The following CAB39L variants were observed in gnomAD, a reference collection of about 807,000 sequenced individuals.
CAB39L encodes calcium-binding protein 39-like.
Under a neutral mutation model 39.1 loss-of-function variants are expected in CAB39L, and 23 were observed. The ratio of observed to expected loss-of-function variants is 0.59; its 90% confidence interval spans 0.42 to 0.83. The LOEUF (loss-of-function observed/expected upper bound fraction) is 0.83, where lower values mean the gene tolerates loss of function less well. Among genes scored for constraint, CAB39L ranks in the 40% least tolerant of loss-of-function variants. The pLI, the probability that CAB39L is intolerant of heterozygous loss-of-function variation, is 0.00. For synonymous variants in CAB39L, 126 were observed against 137.2 expected, an observed-to-expected ratio of 0.92 and a Z score of 0.57; for missense variants, 366 against 391.9, an observed-to-expected ratio of 0.93 and a Z score of 0.56.
chr13:49,436,487 C>T (rs115994523), intron 1 of CAB39L, among the ~76,000 whole-genome samples: 146 of 150,652 alleles, frequency 9.7e-4, no homozygotes, highest in African/African-American at 3.4e-3. Context: ...TTTCTCAATG[C>T]TCCTTATATT....
At chr13:49,314,632 G>A (rs1300127853) in intron 10 of CAB39L, among the ~76,000 whole-genome samples, 1 of 152,150 alleles carries the variant, frequency 6.6e-6, no homozygotes, top group East Asian at 1.9e-4. Context: ...AAGGAAACAG[G>A]CTGAGTCATA....
intron 3 of CAB39L, among the ~76,000 whole-genome samples, chr13:49,423,298 T>C (rs1010072838): frequency 2.0e-5 from 3 of 152,224 alleles, no homozygotes; most frequent in Non-Finnish European, 2.9e-5. Flanking sequence ...TGACCACATT[T>C]TGAGAACCAC....
chr13:49,364,694 T>C (rs1955726288), intron 5 of CAB39L, among the ~76,000 whole-genome samples: 1 of 151,968 alleles, frequency 6.6e-6, no homozygotes, highest in Admixed American at 6.6e-5. Context: ...CCATTTATAA[T>C]AGCAACAAAT....
intron 1 of CAB39L, among the ~76,000 whole-genome samples, chr13:49,434,568 C>G (rs573744997): frequency 6.6e-6 from 1 of 152,144 alleles, no homozygotes; most frequent in East Asian, 1.9e-4. Flanking sequence ...CAACAACTAT[C>G]AACATTTTAG....
intron 4 of CAB39L, among the ~76,000 whole-genome samples, chr13:49,378,699 G>A (rs1348183514): frequency 1.8e-5 from 1 of 54,766 alleles, no homozygotes; most frequent in Non-Finnish European, 3.6e-5. Context: ...CAGCCGCCCC[G>A]TCCGGGAGGG....
intron 3 of CAB39L, among the ~76,000 whole-genome samples, chr13:49,393,957 T>C (rs1956546451): frequency 6.6e-6 from 1 of 151,992 alleles, no homozygotes; most frequent in African/African-American, 2.4e-5. Flanking sequence ...ACAGCTCAGA[T>C]ATAGATGTTA....
At chr13:49,372,655 T>C (rs1955952219) in intron 5 of CAB39L, among the ~76,000 whole-genome samples, 1 of 152,084 alleles carries the variant, frequency 6.6e-6, no homozygotes, top group Admixed American at 6.6e-5. Context: ...ACTCAACTTG[T>C]TTTTTGTTGT....
At chr13:49,371,445 T>A (rs1955915657) in intron 5 of CAB39L, among the ~76,000 whole-genome samples, 1 of 152,164 alleles carries the variant, frequency 6.6e-6, no homozygotes. Context: ...AATGCTGGGA[T>A]TACAGACGTA....
At position 49,332,019 on chromosome 13, in the gene CAB39L, G is replaced by A; in HGVS notation, c.762C>T (p.Asn254=). The change falls in exon 10 of 11, where the codon AAC becomes AAT. Residue 254 remains asparagine (N), a synonymous_variant. Transcript: ENST00000409308. Reference sequence around the variant, plus strand: ...GAAGGAGGTTCATCATGAGTTTCAGGTTCTCCGGCTTGCTGATATACTTTG... The same window carrying A: ...GAAGGAGGTTCATCATGAGTTTCAGATTCTCCGGCTTGCTGATATACTTTG... ...IMTKYISKPE[N]LKLMMNLLRD... 6.2e-7 allele frequency: 1 copy of A among 1,614,118 alleles called. No homozygotes were observed. The highest frequency in any genetic ancestry group is 8.5e-7 in the Non-Finnish European group (1 of 1,179,996).
intron 10 of CAB39L, among the ~76,000 whole-genome samples, chr13:49,319,137 G>C (rs1055740359): frequency 6.6e-6 from 1 of 152,026 alleles, no homozygotes; most frequent in African/African-American, 2.4e-5. Context: ...CCAGCTACTC[G>C]GGAGGCTGAG....
At chr13:49,353,615 C>A (rs1246368471) in intron 6 of CAB39L, among the ~76,000 whole-genome samples, 1 of 152,012 alleles carries the variant, frequency 6.6e-6, no homozygotes, top group Non-Finnish European at 1.5e-5. Context: ...TGAAGCCTTT[C>A]CTAATCACTA....
At chr13:49,327,262 C>A (rs1156645415) in intron 10 of CAB39L, among the ~76,000 whole-genome samples, 2 of 152,020 alleles carry the variant, frequency 1.3e-5, no homozygotes, top group Non-Finnish European at 2.9e-5. Flanking sequence ...CTGAGATGAC[C>A]ATTATCCTGA....
chr13:49,364,974 C>A lies in CAB39L; in HGVS notation c.277-5142G>T, dbSNP rs187065242. ...AAAATTTACATGGAACCACAAAAAACCCAGAATAGCCAAAACCATCATGAG... is the reference window on the plus strand; with the variant it reads ...AAAATTTACATGGAACCACAAAAAAACCAGAATAGCCAAAACCATCATGAG... On this transcript the variant is annotated intron_variant, in intron 5 of 10. Coordinates refer to ENST00000409308, the MANE Select transcript of CAB39L (RefSeq NM_001079670.3). Among the ~76,000 whole-genome samples the A allele has an allele frequency of 5.7e-3, 873 of 152,116 alleles. 23 individuals carry two copies. The highest frequency in any genetic ancestry group is 3.3e-3 in the Non-Finnish European group (221 of 67,970).
intron 3 of CAB39L, among the ~76,000 whole-genome samples, chr13:49,418,926 T>C (rs1957126863): frequency 6.6e-6 from 1 of 152,234 alleles, no homozygotes; most frequent in African/African-American, 2.4e-5. Context: ...CATGTATATT[T>C]GAAAAGAACC....
intron 10 of CAB39L, among the ~76,000 whole-genome samples, chr13:49,317,433 G>A (rs1954191207): frequency 6.6e-6 from 1 of 152,136 alleles, no homozygotes; most frequent in South Asian, 2.1e-4. Context: ...GGGAAGCTGA[G>A]GTGGGAGGAT....
intron 9 of CAB39L, among the ~76,000 whole-genome samples, chr13:49,337,814 T>C (rs1954889689): frequency 6.6e-6 from 1 of 151,460 alleles, no homozygotes; most frequent in African/African-American, 2.4e-5. Context: ...CTCCTTTCCC[T>C]ACTCTTCTTT....
intron 3 of CAB39L, among the ~76,000 whole-genome samples, chr13:49,384,911 G>A (rs1434384405): frequency 6.6e-6 from 1 of 152,168 alleles, no homozygotes; most frequent in African/African-American, 2.4e-5. Context: ...AGGCCAAATA[G>A]ATTTAGCATA....
At chr13:49,431,681 T>A (rs1195906367) in intron 3 of CAB39L, among the ~76,000 whole-genome samples, 1 of 151,802 alleles carries the variant, frequency 6.6e-6, no homozygotes, top group Non-Finnish European at 1.5e-5. Context: ...CACTCCAGCC[T>A]GGACAACAGA....
At chr13:49,333,455 TC>T (rs1413047603) in intron 9 of CAB39L, among the ~76,000 whole-genome samples, 1 of 152,028 alleles carries the variant, frequency 6.6e-6, no homozygotes, top group Non-Finnish European at 1.5e-5. Context: ...CTCCCAACAG[TC>T]TCATCTATAC....
Sources: allele counts gnomAD v4.1 joint callset (sites outside exome capture counted in the v4.1 genomes callset), GRCh38; gene constraint gnomAD v4.1.1; transcripts MANE v1.5; gene names NCBI Gene and HGNC (gene_info 2026-07-23, HGNC 2026-07-21).